The following RFX2 variants were observed in gnomAD, a reference collection of about 807,000 sequenced individuals.
RFX2 encodes DNA-binding protein RFX2.
In RFX2, 20 loss-of-function variants were observed where a neutral mutation model predicts 87.8. The ratio of observed to expected loss-of-function variants is 0.23; its 90% CI spans 0.16 to 0.33. The LOEUF (loss-of-function observed/expected upper bound fraction) is 0.33, where lower values mean the gene tolerates loss of function less well. RFX2 is among the 10% of genes least tolerant of loss of function. The pLI, the probability that RFX2 is intolerant of heterozygous loss-of-function variation, is 1.00. For synonymous variants in RFX2, 397 were observed against 431.3 expected, an observed-to-expected ratio of 0.92 and a Z score of 0.98; for missense variants, 767 against 1,012.3, an observed-to-expected ratio of 0.76 and a Z score of 3.29.
At chr19:6,054,796 G>A (rs1403614698) in intron 1 of RFX2, among the ~76,000 whole-genome samples, 1 of 152,074 alleles carries the variant, frequency 6.6e-6, no homozygotes, top group Non-Finnish European at 1.5e-5. Flanking sequence ...AGAGAACATA[G>A]GAGGTTAGAC....
intron 1 of RFX2, among the ~76,000 whole-genome samples, chr19:6,100,348 C>G (rs1231415176): frequency 2.0e-5 from 3 of 152,160 alleles, no homozygotes; most frequent in African/African-American, 7.2e-5. Flanking sequence ...TTCCGTTCCT[C>G]CTGACATAGC....
intron 1 of RFX2, among the ~76,000 whole-genome samples, chr19:6,080,699 C>A (rs937650657): frequency 6.6e-6 from 1 of 152,108 alleles, no homozygotes; most frequent in African/African-American, 2.4e-5. Flanking sequence ...AAAGGTCTTG[C>A]AGCAGCAGAG....
intron 1 of RFX2, among the ~76,000 whole-genome samples, chr19:6,048,656 T>C (rs1187711543): frequency 6.6e-6 from 1 of 152,208 alleles, no homozygotes; most frequent in Non-Finnish European, 1.5e-5. Context: ...ACAATAGACA[T>C]TTGCTAGAAC....
chr19:5,998,611 A>G lies in RFX2; in HGVS notation c.1860-1398T>C, dbSNP rs1489719623. On this transcript the variant is annotated intron_variant, in intron 15 of 17. Coordinates refer to ENST00000303657, the MANE Select transcript of RFX2 (RefSeq NM_000635.4). This position sits in a 1 kb window ranked among gnomAD's most constrained non-coding sequence, Gnocchi z 4.2. Reference sequence around the variant, plus strand: ...AGCCCCCTCCTGTTCCTCCGGGCCCACCCAGGTTGGCTTCCAAGCCCCCTT... The same window carrying G: ...AGCCCCCTCCTGTTCCTCCGGGCCCGCCCAGGTTGGCTTCCAAGCCCCCTT... 6.6e-6 allele frequency among the ~76,000 whole-genome samples: 1 copy of G among 152,016 alleles called. No homozygotes were observed. The highest frequency in any genetic ancestry group is 1.5e-5 in the Non-Finnish European group (1 of 67,986).
chr19:6,104,089 C>T (rs181897637), intron 1 of RFX2, among the ~76,000 whole-genome samples: 119 of 152,060 alleles, frequency 7.8e-4, no homozygotes, highest in African/African-American at 2.8e-3. Flanking sequence ...TAAACGGTGG[C>T]ACCACAATTT....
chr19:6,046,833 G>T (rs572662611), intron 2 of RFX2, among the ~76,000 whole-genome samples: 1 of 151,722 alleles, frequency 6.6e-6, no homozygotes, highest in Non-Finnish European at 1.5e-5. Flanking sequence ...TCACAATCAT[G>T]GCTTACTGCA....
In RFX2 at chr19:6,047,447, C is replaced by T. The variant is rs201485682; in HGVS notation, c.50G>A (p.Arg17His). ...GADSPASVAL[R>H]PSAAAPPVPA... is the part of the protein sequence containing the mutation. ...CACAGGCGGGGCTGCCGCCGAGGGA[C>T]GCAGAGCCACGGACGCTGGCGAATC... The change falls in exon 2 of 18, where the codon CGT becomes CAT. Residue 17 changes from arginine (R) to histidine (H), a missense_variant. Transcript: ENST00000303657. This position sits in a 1 kb window ranked among gnomAD's most constrained non-coding sequence, Gnocchi z 4.2. 1.7e-5 allele frequency: 27 copies of T among 1,604,690 alleles called. No homozygotes were observed. Among genetic ancestry groups the T allele is most frequent in the African/African-American group, 1.2e-4 (9 of 74,910 alleles).
chr19:6,084,343 T>C (rs2087826436), intron 1 of RFX2, among the ~76,000 whole-genome samples: 1 of 152,256 alleles, frequency 6.6e-6, no homozygotes, highest in Non-Finnish European at 1.5e-5. Flanking sequence ...AATTACTCTT[T>C]ATCATTAATT....
At chr19:6,079,666 T>C (rs572051749) in intron 1 of RFX2, among the ~76,000 whole-genome samples, 15 of 152,148 alleles carry the variant, frequency 9.9e-5, no homozygotes, top group African/African-American at 2.6e-4. Flanking sequence ...GGTGGGTGGA[T>C]CACGAGGTCA....
intron 6 of RFX2, among the ~76,000 whole-genome samples, chr19:6,019,179 C>T (rs573406171): frequency 1.7e-4 from 26 of 152,128 alleles, no homozygotes; most frequent in African/African-American, 4.8e-4. Context: ...GAGGGACCCC[C>T]GCCCTCTTGT....
Position 6,039,868 on chromosome 19 carries a change from G to T in RFX2, c.522+112C>A. 7.7e-7 allele frequency: 1 copy of T among 1,305,728 alleles called. No individual in the cohort carries two copies. 80.9% of individuals were successfully genotyped at this position (1,305,728 alleles called of 1,614,324 possible). ...CATCGTGGGGCCGCCTGGGCCCAGA[G>T]CAGACGACAGCCCCTCCGGGCCTCC... On this transcript the variant is annotated intron_variant, in intron 5 of 17. Transcript: ENST00000303657. The surrounding 1 kb of genome is among the most constrained non-coding windows in gnomAD (Gnocchi z 5.2).
At chr19:6,042,151 G>C in intron 3 of RFX2, 28 bp from the exon 4 acceptor site, 1 of 1,603,072 alleles carries the variant, frequency 6.2e-7, no homozygotes, top group South Asian at 1.1e-5. Flanking sequence ...CTGCGTTACC[G>C]CCAGTCACGC....
rs988734566 is a variant in RFX2, at chr19:6,026,329, A to C, written c.523-92T>G. 4.8e-6 allele frequency: 5 copies of C among 1,046,428 alleles called. No homozygotes were observed. The highest frequency in any genetic ancestry group is 7.2e-6 in the Non-Finnish European group (5 of 690,604). The allele number at this position is 1,046,428 out of a possible 1,614,324, so 64.8% of individuals were successfully genotyped here. On this transcript the variant is annotated intron_variant, in intron 5 of 17. Coordinates refer to ENST00000303657, the MANE Select transcript of RFX2 (RefSeq NM_000635.4). The surrounding 1 kb of genome is among the most constrained non-coding windows in gnomAD (Gnocchi z 4.5). ...TTAGCATCAGCCAAGATTTGTTTTT[A>C]TTAATATCCAAATAATGATTCGAGC...
chr19:6,015,674 A>C (rs1316276237), intron 7 of RFX2, among the ~76,000 whole-genome samples: 1 of 151,706 alleles, frequency 6.6e-6, no homozygotes, highest in Non-Finnish European at 1.5e-5. Flanking sequence ...CTAATTTTTA[A>C]TTTTTTTGTA....
At position 6,004,458 on chromosome 19, in the gene RFX2, A is replaced by G. The variant is rs888945930; in HGVS notation, c.1403-160T>C. On this transcript the variant is annotated intron_variant, in intron 12 of 17. Coordinates refer to ENST00000303657, the MANE Select transcript of RFX2 (RefSeq NM_000635.4). The surrounding 1 kb of genome is among the most constrained non-coding windows in gnomAD (Gnocchi z 4.8). ...GAACCGAGGACACTTAGAAACGGGA[A>G]GAACCAGGCATGGCCCAGCGCTGCT... 1.3e-5 allele frequency among the ~76,000 whole-genome samples: 2 copies of G among 152,266 alleles called. No homozygotes were observed. The highest frequency in any genetic ancestry group is 4.8e-5 in the African/African-American group (2 of 41,480).
At chr19:6,019,105 C>G (rs1009792100) in intron 6 of RFX2, among the ~76,000 whole-genome samples, 10 of 151,998 alleles carry the variant, frequency 6.6e-5, no homozygotes, top group Non-Finnish European at 1.5e-5. Context: ...CCATCGTTAG[C>G]AGGTGCCAAT....
intron 1 of RFX2, among the ~76,000 whole-genome samples, chr19:6,075,544 G>A (rs778857899): frequency 6.6e-6 from 1 of 152,200 alleles, no homozygotes; most frequent in East Asian, 1.9e-4. Context: ...TTTGCTGACG[G>A]GTTTGACATA....
At chr19:6,025,412 T>C (rs2086874144) in intron 6 of RFX2, among the ~76,000 whole-genome samples, 1 of 152,214 alleles carries the variant, frequency 6.6e-6, no homozygotes, top group Non-Finnish European at 1.5e-5. Flanking sequence ...CTCAAATTAC[T>C]GTTTCTTTCC....
rs961562380 is a variant in RFX2 at position 6,047,900 on chromosome 19, C to T, written c.-8-396G>A. Among the ~76,000 whole-genome samples, 1 of 152,238 alleles carries T rather than the reference C, an allele frequency of 6.6e-6. No homozygotes were observed. The highest frequency in any genetic ancestry group is 6.5e-5 in the Admixed American group (1 of 15,290). On this transcript the variant is annotated intron_variant, in intron 1 of 17. Transcript: ENST00000303657. The surrounding 1 kb of genome is among the most constrained non-coding windows in gnomAD (Gnocchi z 4.2). ...TGGGTGACTGCCATTTGGGAAGCTA[C>T]TGCACCCCAAACGACAACGGGAGAA...
Sources: allele counts gnomAD v4.1 joint callset (sites outside exome capture counted in the v4.1 genomes callset), GRCh38; gene constraint gnomAD v4.1.1; non-coding constraint Gnocchi (gnomAD v3.1); transcripts MANE v1.5; gene names NCBI Gene and HGNC (gene_info 2026-07-23, HGNC 2026-07-21).